ROCK1: variants seen among roughly 807,000 people sequenced by gnomAD.
ROCK1 encodes Rho associated coiled-coil containing protein kinase 1.
A neutral mutation model predicts 196.8 loss-of-function variants in ROCK1; 36 were observed. The ratio of observed to expected loss-of-function variants is 0.18; its 90% CI spans 0.14 to 0.24. The LOEUF (loss-of-function observed/expected upper bound fraction) is 0.24. Ranked by LOEUF, ROCK1 falls within the 10% of genes least tolerant of loss-of-function variation. The pLI is 1.00. For synonymous variants in ROCK1, 443 were observed against 515.9 expected (o/e 0.86, Z 1.91); for missense variants, 920 against 1,562.0 (o/e 0.59, Z 6.93).
intron 9 of ROCK1, among the ~76,000 whole-genome samples, chr18:21,036,024 T>C (rs1263471968): frequency 6.6e-6 from 1 of 152,214 alleles, no homozygotes; most frequent in African/African-American, 2.4e-5. Context: ...CACTGAATTG[T>C]ACAGTTAAAA....
At chr18:20,959,956 T>C (rs775685653) in intron 28 of ROCK1, 28 bp from the exon 29 acceptor site, 119 of 1,396,154 alleles carry the variant, frequency 8.5e-5, no homozygotes, top group Non-Finnish European at 5.1e-6. Context: ...GGGGAAGAGT[T>C]ACAAGAGCAA....
At chr18:21,027,493 T>C (rs578254432) in intron 10 of ROCK1, among the ~76,000 whole-genome samples, 1 of 152,224 alleles carries the variant, frequency 6.6e-6, no homozygotes, top group African/African-American at 2.4e-5. Context: ...CATGAACTCA[T>C]ACTAATGGTA....
At position 21,042,040 on chromosome 18, in the gene ROCK1, GAGC is replaced by G. The variant is rs1390747324; in HGVS notation, c.959+54_959+56del. On this transcript the variant is annotated intron_variant, in intron 8 of 32. Coordinates refer to ENST00000399799, the MANE Select transcript of ROCK1 (RefSeq NM_005406.3). ...AGCTCAGATATGGACCTTAAAAATG[GAGC>G]AGAAGATGAGAAGTCCTCAGAATTA... The G allele has an allele frequency of 4.7e-6, 7 of 1,492,576 alleles. No individual in the cohort carries two copies. In the African/African-American group the frequency reaches 8.6e-5, roughly 18 times the overall value. The allele number at this position is 1,492,576 out of a possible 1,614,324, so 92.5% of individuals were successfully genotyped here.
intron 2 of ROCK1, among the ~76,000 whole-genome samples, chr18:21,059,960 A>G (rs2036274610): frequency 1.3e-5 from 2 of 152,390 alleles, no homozygotes; most frequent in South Asian, 4.1e-4. Context: ...TTCCTTCTAT[A>G]GGAAATGTCT....
At chr18:21,040,664 C>T (rs777321054) in intron 8 of ROCK1, among the ~76,000 whole-genome samples, 16 of 152,194 alleles carry the variant, frequency 1.1e-4, no homozygotes, top group Non-Finnish European at 1.6e-4. Flanking sequence ...TTCTCCGGCA[C>T]ATGGTACTTA....
intron 1 of ROCK1, among the ~76,000 whole-genome samples, chr18:21,093,468 T>C (rs369738756): frequency 2.2e-4 from 34 of 152,296 alleles, no homozygotes; most frequent in African/African-American, 7.9e-4. Context: ...TTATTGTTAA[T>C]TCAATTTTAC....
In ROCK1 at chr18:20,949,611, GGT is replaced by G. The variant is rs2035163223; in HGVS notation, c.*1771_*1772del. The G allele has an allele frequency of 6.6e-6, 1 of 152,236 alleles. No individual in the cohort carries two copies. The highest frequency in any genetic ancestry group is 6.5e-5 in the Admixed American group (1 of 15,282). 9.4% of individuals were successfully genotyped at this position (152,236 alleles called of 1,614,324 possible). The stretch of plus-strand genomic sequence containing the variant: ...CCTTGGAAAAGATAGTCAAAAGAAA[GGT>G]TGTCAGAGCCTCTGCTTCCCTGATG... On this transcript the variant is annotated 3_prime_UTR_variant, in exon 33 of 33. Transcript: ENST00000399799.
chr18:21,088,640 A>C (rs1485077462), intron 1 of ROCK1, among the ~76,000 whole-genome samples: 1 of 152,244 alleles, frequency 6.6e-6, no homozygotes. Flanking sequence ...TTGGAAACTT[A>C]ATCCCCAGAG....
intron 4 of ROCK1, among the ~76,000 whole-genome samples, chr18:21,047,278 G>A (rs970575622): frequency 1.3e-5 from 2 of 152,144 alleles, no homozygotes; most frequent in African/African-American, 2.4e-5. Flanking sequence ...AACATTTTTG[G>A]TTGTCACAAC....
intron 2 of ROCK1, among the ~76,000 whole-genome samples, chr18:21,063,513 G>A (rs1280256751): frequency 2.6e-5 from 4 of 152,136 alleles, no homozygotes; most frequent in Non-Finnish European, 5.9e-5. Flanking sequence ...GTACTTTCCA[G>A]GAAATAAATG....
In ROCK1 at chr18:20,950,484, T is replaced by G. The variant is rs1253925835; in HGVS notation, c.*900A>C. On this transcript the variant is annotated 3_prime_UTR_variant, in exon 33 of 33. Coordinates refer to ENST00000399799, the MANE Select transcript of ROCK1 (RefSeq NM_005406.3). Reference sequence around the variant, plus strand: ...AGGACAATGCAACCCCCATTGAAAGTGTTCTAAGAATAATTTACATTTCAA... The same window carrying G: ...AGGACAATGCAACCCCCATTGAAAGGGTTCTAAGAATAATTTACATTTCAA... The G allele has an allele frequency of 6.6e-6, 1 of 152,286 alleles. No individual in the cohort carries two copies. Among genetic ancestry groups the G allele is most frequent in the African/African-American group, 2.4e-5 (1 of 41,326 alleles). 9.4% of individuals were successfully genotyped at this position (152,286 alleles called of 1,614,324 possible).
intron 9 of ROCK1, among the ~76,000 whole-genome samples, chr18:21,031,887 A>T (rs1393633974): frequency 6.6e-6 from 1 of 152,150 alleles, no homozygotes; most frequent in Non-Finnish European, 1.5e-5. Flanking sequence ...GCAGAGGAAA[A>T]AAAACCAGTG....
chr18:21,083,734 A>G (rs2036501750), intron 1 of ROCK1, among the ~76,000 whole-genome samples: 1 of 152,234 alleles, frequency 6.6e-6, no homozygotes, highest in Non-Finnish European at 1.5e-5. Flanking sequence ...AATACAGTAC[A>G]TATATTTACA....
At chr18:21,102,847 C>A (rs756546723) in intron 1 of ROCK1, among the ~76,000 whole-genome samples, 3 of 151,300 alleles carry the variant, frequency 2.0e-5, no homozygotes, top group African/African-American at 7.3e-5. Flanking sequence ...GCCTGGGTGA[C>A]AGGGCCAGAC....
chr18:20,986,929 A>G, intron 19 of ROCK1, 21 bp downstream of exon 19: 1 of 1,570,574 alleles, frequency 6.4e-7, no homozygotes, highest in Non-Finnish European at 8.6e-7. Context: ...AGATGAACAA[A>G]GTCAGTACTA....
At position 20,986,947 on chromosome 18, in the gene ROCK1, T is replaced by C. The variant is rs371549978; in HGVS notation, c.2304+3A>G. On this transcript the variant is annotated splice_donor_region_variant and intron_variant, in intron 19 of 32. Coordinates refer to ENST00000399799, the MANE Select transcript of ROCK1 (RefSeq NM_005406.3). The stretch of plus-strand genomic sequence containing the variant: ...TGAACAAAGTCAGTACTATTTTTCT[T>C]ACTTCATCCTCCATCCTTTCTTTAT... The C allele has an allele frequency of 3.3e-5, 53 of 1,585,676 alleles. No homozygotes were observed. The highest frequency in any genetic ancestry group is 4.3e-5 in the Non-Finnish European group (50 of 1,171,274).
chr18:21,068,600 G>C (rs994165148), intron 2 of ROCK1, among the ~76,000 whole-genome samples: 1 of 152,128 alleles, frequency 6.6e-6, no homozygotes, highest in African/African-American at 2.4e-5. Flanking sequence ...TACAATCCAT[G>C]AACATTGAAT....
intron 31 of ROCK1, among the ~76,000 whole-genome samples, chr18:20,954,014 T>C (rs2035216728): frequency 6.6e-6 from 1 of 151,668 alleles, no homozygotes; most frequent in Non-Finnish European, 1.5e-5. Context: ...GTAAAACAAA[T>C]AAATGTATTT....
intron 16 of ROCK1, among the ~76,000 whole-genome samples, chr18:20,998,057 G>A (rs938097273): frequency 2.6e-5 from 4 of 151,870 alleles, no homozygotes; most frequent in Non-Finnish European, 4.4e-5. Context: ...GGCTGGTCTC[G>A]AACTTCTGAC....
Sources: gnomAD v4.1 joint callset for allele counts (sites outside exome capture counted in the v4.1 genomes callset) on GRCh38, gnomAD v4.1.1 for gene constraint, MANE v1.5 for transcripts, NCBI Gene and HGNC (gene_info 2026-07-23, HGNC 2026-07-21) for gene names.